Variants in U2SURP observed in about 807,000 individuals in gnomAD.
U2SURP encodes U2 snRNP-associated SURP motif-containing protein.
A neutral mutation model predicts 144.9 loss-of-function variants in U2SURP; 9 were observed. That is an observed-to-expected ratio of 0.06 (90% confidence interval 0.04 to 0.11). The LOEUF is 0.11. Among genes scored for constraint, U2SURP ranks in the 10% least tolerant of loss-of-function variants. U2SURP has a pLI of 1.00. For synonymous variants in U2SURP, 408 were observed against 396.8 expected (o/e 1.03, Z -0.33); for missense variants, 724 against 1,226.7 (o/e 0.59, Z 6.12).
intron 7 of U2SURP, 106 bp from the exon 8 acceptor site, chr3:143,020,493 A>T: frequency 1.3e-6 from 1 of 766,794 alleles, no homozygotes; most frequent in Non-Finnish European, 2.2e-6. Context: ...GTATTTAATT[A>T]CAGATATTTC....
chr3:143,003,248 A>G (rs893885192), intron 1 of U2SURP, among the ~76,000 whole-genome samples: 5 of 152,198 alleles, frequency 3.3e-5, no homozygotes, highest in Non-Finnish European at 5.9e-5. Context: ...TAATCTCTTG[A>G]TGCTATTAGC....
rs766053922 is a variant in U2SURP, at chr3:143,032,812, C to T, written c.1639C>T (p.Arg547Trp). ...EQRDKLEEIL[R>W]GLTPRKNDIG... ...GAGGGATAAATTGGAAGAAATCTTGCGGGGATTAACTCCAAGGAAAAATGA... is the reference window on the plus strand; with the variant it reads ...GAGGGATAAATTGGAAGAAATCTTGTGGGGATTAACTCCAAGGAAAAATGA... The change falls in exon 17 of 28, where the codon CGG becomes TGG. Residue 547 changes from arginine to tryptophan, a missense_variant. This residue lies in a region of U2SURP where 66 missense variants were observed against 95.0 expected (regional missense o/e 0.69). Coordinates refer to ENST00000473835, the MANE Select transcript of U2SURP (RefSeq NM_001080415.2). 1.2e-6 allele frequency: 2 copies of T among 1,612,406 alleles called. No individual in the cohort carries two copies. The highest frequency in any genetic ancestry group is 2.2e-5 in the East Asian group (1 of 44,778).
At position 143,056,735 on chromosome 3, in the gene U2SURP, T is replaced by C. The variant is rs1250784673; in HGVS notation, c.*285T>C. On this transcript the variant is annotated 3_prime_UTR_variant, in exon 28 of 28. Transcript: ENST00000473835. ...AATGGATCTGCTGACAGTAGTAGTA[T>C]TTTGTTTTAGGATGTTGTGACTTAG... is the stretch of plus-strand genomic sequence containing the variant. 1.2e-5 allele frequency: 3 copies of C among 250,496 alleles called. No homozygotes were observed. Among genetic ancestry groups the C allele is most frequent in the Non-Finnish European group, 2.3e-5 (3 of 129,742 alleles). The allele number at this position is 250,496 out of a possible 1,614,324, so 15.5% of individuals were successfully genotyped here. A position where few individuals can be genotyped will look rare whatever the true frequency, so the allele number is the denominator to read the frequency against.
At chr3:143,009,041 A>G (rs550400486) in intron 1 of U2SURP, among the ~76,000 whole-genome samples, 69 of 152,284 alleles carry the variant, frequency 4.5e-4, no homozygotes, top group African/African-American at 1.5e-3. Flanking sequence ...CACCTGGCCC[A>G]GGCAGTTGAT....
At chr3:143,013,590 G>A (rs1936217322) in intron 3 of U2SURP, among the ~76,000 whole-genome samples, 1 of 151,908 alleles carries the variant, frequency 6.6e-6, no homozygotes, top group Non-Finnish European at 1.5e-5. Context: ...TACCTTTTAA[G>A]TTTATAAATC....
Position 143,004,808 on chromosome 3 carries a change from A to G in U2SURP, c.45+3135A>G, listed in dbSNP as rs539753719. ...GTAGACATTTAACAAATGTTCTAGA[A>G]ATGAGCTAAAATTTTCCTGTGCATT... On this transcript the variant is annotated intron_variant, in intron 1 of 27. Transcript: ENST00000473835. 3.3e-5 allele frequency among the ~76,000 whole-genome samples: 5 copies of G among 152,220 alleles called. No individual in the cohort carries two copies. In the East Asian group the frequency reaches 9.7e-4, roughly 29 times the overall value.
intron 20 of U2SURP, among the ~76,000 whole-genome samples, chr3:143,036,650 T>G (rs142352869): frequency 6.6e-6 from 1 of 152,270 alleles, no homozygotes; most frequent in East Asian, 1.9e-4. Flanking sequence ...TTCAGTTTCT[T>G]AAATGTGTGT....
rs1386195806 is a variant in U2SURP at position 143,021,139 on chromosome 3, C to G, written c.734-211C>G. ...CTGAGAGGCAGAGGTTGCAGTGAGCCGAGAACGTGCCATTGCACTCCAGCC... is the reference window on the plus strand; with the variant it reads ...CTGAGAGGCAGAGGTTGCAGTGAGCGGAGAACGTGCCATTGCACTCCAGCC... On this transcript the variant is annotated intron_variant, in intron 8 of 27. Coordinates refer to ENST00000473835, the MANE Select transcript of U2SURP (RefSeq NM_001080415.2). Among the ~76,000 whole-genome samples, 5 of 151,990 alleles carry G rather than the reference C, an allele frequency of 3.3e-5. No homozygotes were observed. The East Asian group carries it at 9.7e-4, about 29-fold the overall frequency.
At chr3:143,054,126 C>A (rs143287057) in intron 26 of U2SURP, among the ~76,000 whole-genome samples, 3 of 152,314 alleles carry the variant, frequency 2.0e-5, no homozygotes, top group African/African-American at 7.2e-5. Flanking sequence ...CCAATTTAAG[C>A]ATATTTTCCA....
intron 2 of U2SURP, among the ~76,000 whole-genome samples, chr3:143,011,112 C>T (rs559654821): frequency 6.6e-6 from 1 of 151,712 alleles, no homozygotes; most frequent in East Asian, 1.9e-4. Flanking sequence ...TCTGTACATA[C>T]ATAACGTATC....
Position 143,022,868 on chromosome 3 carries a change from C to G in U2SURP, c.1034C>G (p.Ser345Cys), listed in dbSNP as rs1285397854. The change falls in exon 12 of 28, where the codon TCT becomes TGT. Residue 345 changes from serine (S) to cysteine (C), a missense_variant. Physicochemically the swap from Ser to Cys is moderately radical, Grantham distance 112. This residue lies in a region of U2SURP where 1 missense variants were observed against 18.7 expected (regional missense o/e 0.05). Transcript: ENST00000473835. Reference protein sequence around the residue: ...LKNLNGKMIMSFEMKLGWGKA... With the variant: ...LKNLNGKMIMCFEMKLGWGKA... ...TTTCTTGTAGGAAAAATGATTATGT[C>G]TTTTGAAATGAAGTTAGGTTGGGGT... is the stretch of plus-strand genomic sequence containing the variant. The G allele has an allele frequency of 1.3e-6, 2 of 1,577,160 alleles. No individual in the cohort carries two copies. Among genetic ancestry groups the G allele is most frequent in the Admixed American group, 3.9e-5 (2 of 51,102 alleles).
At chr3:143,047,887 C>T (rs1934618615) in intron 24 of U2SURP, among the ~76,000 whole-genome samples, 1 of 150,852 alleles carries the variant, frequency 6.6e-6, no homozygotes, top group Admixed American at 6.6e-5. Context: ...GGCTGACCCC[C>T]CCCAACCTCC....
intron 25 of U2SURP, among the ~76,000 whole-genome samples, chr3:143,051,694 C>G (rs769275972): frequency 1.3e-5 from 2 of 150,232 alleles, no homozygotes; most frequent in Non-Finnish European, 3.0e-5. Flanking sequence ...CTTACAATCA[C>G]TATAAAGCTG....
At chr3:143,044,722 A>G (rs576419250) in intron 24 of U2SURP, among the ~76,000 whole-genome samples, 1 of 152,342 alleles carries the variant, frequency 6.6e-6, no homozygotes, top group African/African-American at 2.4e-5. Flanking sequence ...GTATGTCAGT[A>G]CTATCTCCCT....
In U2SURP at chr3:143,057,050, G is replaced by A. The variant is rs548982132; in HGVS notation, c.*600G>A. 6.6e-6 allele frequency: 1 copy of A among 152,610 alleles called. No individual in the cohort carries two copies. Among genetic ancestry groups the A allele is most frequent in the South Asian group, 2.1e-4 (1 of 4,822 alleles). The allele number at this position is 152,610 out of a possible 1,614,324, so 9.5% of individuals were successfully genotyped here. A position where few individuals can be genotyped will look rare whatever the true frequency, so the allele number is the denominator to read the frequency against. Reference sequence around the variant, plus strand: ...TTTGCTAACCATTTGCTTTTGATAAGTTTCTCTTGGGTAATACTAATACCC... The same window carrying A: ...TTTGCTAACCATTTGCTTTTGATAAATTTCTCTTGGGTAATACTAATACCC... On this transcript the variant is annotated 3_prime_UTR_variant, in exon 28 of 28. Coordinates refer to ENST00000473835, the MANE Select transcript of U2SURP (RefSeq NM_001080415.2).
rs1935331948 is a variant in U2SURP, at chr3:143,060,637, A to ATGTT, written c.*4188_*4189insGTTT. On this transcript the variant is annotated 3_prime_UTR_variant, in exon 28 of 28. Transcript: ENST00000473835. ...TTTTAGCAGCTTTCTCTCAAGTGAA[A>ATGTT]TAAGTGATGTGACATGTTTATCAGT... 6.6e-6 allele frequency: 1 copy of ATGTT among 152,068 alleles called. No individual in the cohort carries two copies. Among genetic ancestry groups the ATGTT allele is most frequent in the South Asian group, 2.1e-4 (1 of 4,834 alleles). The allele number at this position is 152,068 out of a possible 1,614,324, so 9.4% of individuals were successfully genotyped here.
chr3:143,021,057 G>T (rs1169744264), intron 8 of U2SURP, among the ~76,000 whole-genome samples: 1 of 152,158 alleles, frequency 6.6e-6, no homozygotes, highest in Non-Finnish European at 1.5e-5. Context: ...CGGGCGTGGT[G>T]GTGCGTGCCT....
chr3:143,002,688 A>C (rs1386725021), intron 1 of U2SURP, among the ~76,000 whole-genome samples: 2 of 152,166 alleles, frequency 1.3e-5, no homozygotes, highest in Admixed American at 6.5e-5. Flanking sequence ...GGTAGGAGAG[A>C]AGCTTGCGTT....
At chr3:143,004,446 CTCTGCCTCCTGGGTTCAAGCAATTCT>C (rs574677579) in intron 1 of U2SURP, among the ~76,000 whole-genome samples, 1 of 142,962 alleles carries the variant, frequency 7.0e-6, no homozygotes, top group African/African-American at 2.6e-5. Flanking sequence ...TCACTGCAAC[CTCTGCCTCCTGGGTTCAAGCAATTCT>C]TCTGCCTCAG....
Sources: gnomAD v4.1 joint callset for allele counts (sites outside exome capture counted in the v4.1 genomes callset) on GRCh38, gnomAD v4.1.1 for gene constraint, gnomAD v4.1.1 regional missense constraint, MANE v1.5 for transcripts, NCBI Gene and HGNC (gene_info 2026-07-23, HGNC 2026-07-21) for gene names.